Variants in DOCK2 observed in about 807,000 individuals in gnomAD.
The protein encoded by DOCK2 is dedicator of cytokinesis 2.
Under a neutral mutation model 248.9 loss-of-function variants are expected in DOCK2, and 87 were observed. The ratio of observed to expected loss-of-function variants is 0.35; its 90% CI spans 0.29 to 0.42. The LOEUF is 0.42. DOCK2 is among the 10% of genes least tolerant of loss of function. The pLI is 1.00. For synonymous variants in DOCK2, 805 were observed against 821.6 expected (o/e 0.98, Z 0.35); for missense variants, 1,747 against 2,300.2 (o/e 0.76, Z 4.92).
chr5:169,861,149 C>G (rs12652157), intron 27 of DOCK2, among the ~76,000 whole-genome samples: 1 of 152,122 alleles, frequency 6.6e-6, no homozygotes, highest in East Asian at 1.9e-4. Flanking sequence ...CATCGTGACA[C>G]TAAGTTCTGA....
chr5:169,869,417 G>A (rs139100103), intron 27 of DOCK2, among the ~76,000 whole-genome samples: 9 of 152,256 alleles, frequency 5.9e-5, no homozygotes, highest in African/African-American at 1.9e-4. Flanking sequence ...TGTGTGCTTC[G>A]GAAAGAAATT....
intron 41 of DOCK2, among the ~76,000 whole-genome samples, chr5:170,052,020 A>G (rs1197554221): frequency 6.6e-6 from 1 of 152,202 alleles, no homozygotes; most frequent in Non-Finnish European, 1.5e-5. Context: ...ATATAAATGC[A>G]AGGATAGGGC....
intron 27 of DOCK2, among the ~76,000 whole-genome samples, chr5:169,952,674 C>T (rs1037118526): frequency 2.6e-5 from 4 of 152,166 alleles, no homozygotes; most frequent in African/African-American, 7.2e-5. Flanking sequence ...ACCTGCTTTT[C>T]CTAATCCCGT....
chr5:169,718,611 A>G, intron 21 of DOCK2, 46 bp from the exon 22 acceptor site: 1 of 1,592,106 alleles, frequency 6.3e-7, no homozygotes, highest in African/African-American at 1.3e-5. Context: ...CAAACTAATT[A>G]CCATGATGAA....
At chr5:170,047,118 G>A (rs1467719478) in intron 39 of DOCK2, among the ~76,000 whole-genome samples, 1 of 152,162 alleles carries the variant, frequency 6.6e-6, no homozygotes, top group Non-Finnish European at 1.5e-5. Context: ...TCATTCCATA[G>A]CCTCACAAAT....
At chr5:169,852,308 C>G (rs1277731733) in intron 27 of DOCK2, among the ~76,000 whole-genome samples, 1 of 152,152 alleles carries the variant, frequency 6.6e-6, no homozygotes, top group Non-Finnish European at 1.5e-5. Context: ...GTCCTATTTC[C>G]TGGCAGTGGA....
At chr5:169,694,075 GC>G in intron 9 of DOCK2, among the ~76,000 whole-genome samples, 1 of 152,310 alleles carries the variant, frequency 6.6e-6, no homozygotes, top group African/African-American at 2.4e-5. Context: ...TGGTCCCCAG[GC>G]AGGAAGGTGT....
At chr5:169,670,938 T>C in intron 4 of DOCK2, 140 bp from the exon 5 acceptor site, 1 of 661,012 alleles carries the variant, frequency 1.5e-6, no homozygotes, top group Non-Finnish European at 2.6e-6. Context: ...ATAATGTAGT[T>C]GGTGTGGCTA....
chr5:170,074,481 G>A (rs1164361989), intron 46 of DOCK2, among the ~76,000 whole-genome samples: 1 of 152,102 alleles, frequency 6.6e-6, no homozygotes, highest in African/African-American at 2.4e-5. Context: ...GTGTGGCAAC[G>A]GAATGACCCA....
At chr5:169,638,938 AG>A (rs1322330623) in intron 1 of DOCK2, among the ~76,000 whole-genome samples, 10 of 152,314 alleles carry the variant, frequency 6.6e-5, no homozygotes, top group South Asian at 4.1e-4. Flanking sequence ...TCATGGGTAA[AG>A]GCAGGGAACT....
chr5:169,745,129 A>G lies in DOCK2; in HGVS notation c.2268-2267A>G, dbSNP rs76551843. Among the ~76,000 whole-genome samples the G allele has an allele frequency of 5.0e-3, 762 of 152,332 alleles. 5 individuals carry two copies. Among genetic ancestry groups the G allele is most frequent in the Non-Finnish European group, 7.5e-3 (513 of 68,026 alleles). Reference sequence around the variant, plus strand: ...AAAAGGCATGATGAGTGGACAGTCCATTAGGGATTGCTGGTGGCTGTGGGC... The same window carrying G: ...AAAAGGCATGATGAGTGGACAGTCCGTTAGGGATTGCTGGTGGCTGTGGGC... On this transcript the variant is annotated intron_variant, in intron 22 of 51. Coordinates refer to ENST00000520908, the MANE Select transcript of DOCK2 (RefSeq NM_004946.3).
chr5:169,729,029 C>A (rs553868240), intron 22 of DOCK2, among the ~76,000 whole-genome samples: 2 of 152,274 alleles, frequency 1.3e-5, no homozygotes, highest in East Asian at 3.9e-4. Flanking sequence ...CTGGTTGAAC[C>A]CTTGCCTGAG....
chr5:169,812,900 A>G (rs1767842931), intron 26 of DOCK2, among the ~76,000 whole-genome samples: 1 of 152,264 alleles, frequency 6.6e-6, no homozygotes, highest in African/African-American at 2.4e-5. Flanking sequence ...CCCCCAAGCC[A>G]GCCCTGGTGG....
intron 27 of DOCK2, chr5:169,884,064 C>A (rs562356885): frequency 2.9e-5 from 15 of 523,108 alleles, no homozygotes; most frequent in Non-Finnish European, 3.8e-5. Context: ...CCATTCCCAG[C>A]CTCTAGAGTC....
At chr5:170,057,429 G>A (rs1010097124) in intron 43 of DOCK2, 151 bp from the exon 44 acceptor site, 17 of 709,412 alleles carry the variant, frequency 2.4e-5, no homozygotes, top group Admixed American at 8.1e-5. Flanking sequence ...AGGTGAGAGC[G>A]TGTTTCTGGG....
rs1409017445 is a variant in DOCK2, at chr5:170,041,090, G to C, written c.3701G>C (p.Cys1234Ser). 3.7e-6 allele frequency: 6 copies of C among 1,613,940 alleles called. No individual in the cohort carries two copies. Among genetic ancestry groups the C allele is most frequent in the Non-Finnish European group, 5.1e-6 (6 of 1,180,012 alleles). ...AAACTCCGCGATCTTCACCTGGACT[G>C]TGACAATTACACAGAGGCTGCCTAC... ...LYKLRDLHLD[C>S]DNYTEAAYTL... The change falls in exon 37 of 52, where the codon TGT (cysteine) becomes TCT (serine). Residue 1234 changes from cysteine (C) to serine (S), a missense_variant. By Grantham distance (112) the Cys-to-Ser change is moderately radical (BLOSUM62 -1). Coordinates refer to ENST00000520908, the MANE Select transcript of DOCK2 (RefSeq NM_004946.3).
chr5:169,892,684 C>T (rs1243601900), intron 27 of DOCK2, among the ~76,000 whole-genome samples: 1 of 152,224 alleles, frequency 6.6e-6, no homozygotes, highest in Non-Finnish European at 1.5e-5. Flanking sequence ...TCTACCTCCT[C>T]TTCATTTTTA....
At chr5:169,865,482 A>G (rs943261282) in intron 27 of DOCK2, among the ~76,000 whole-genome samples, 2 of 152,192 alleles carry the variant, frequency 1.3e-5, no homozygotes, top group African/African-American at 4.8e-5. Context: ...CGGGGCAGAA[A>G]AAACGAATCC....
chr5:170,057,709 G>A (rs753883375), intron 44 of DOCK2, 43 bp downstream of exon 44: 6 of 1,537,132 alleles, frequency 3.9e-6, no homozygotes, highest in Non-Finnish European at 5.3e-6. Context: ...TTCCTCCGAT[G>A]GGCAGGGCAC....
Sources: gnomAD v4.1 joint callset for allele counts (sites outside exome capture counted in the v4.1 genomes callset) on GRCh38, gnomAD v4.1.1 for gene constraint, MANE v1.5 for transcripts, NCBI Gene and HGNC (gene_info 2026-07-23, HGNC 2026-07-21) for gene names.